Variants in KY observed in about 807,000 individuals in gnomAD.
The protein encoded by KY is kyphoscoliosis peptidase.
Under a neutral mutation model 76.1 loss-of-function variants are expected in KY, and 43 were observed. The observed-to-expected ratio is 0.57, with a 90% CI of 0.44 to 0.73. The LOEUF (loss-of-function observed/expected upper bound fraction) is 0.73. KY is among the 30% of genes least tolerant of loss of function. The probability of loss-of-function intolerance (pLI) is 0.00; values close to 1 mark genes in which losing one functional copy is unlikely to be tolerated. For missense variants in KY, 722 were observed against 828.9 expected, an observed-to-expected ratio of 0.87 and a Z score of 1.58; for synonymous variants, 277 against 326.2, an observed-to-expected ratio of 0.85 and a Z score of 1.63.
At chr3:134,632,251 A>G (rs1340198496) in intron 3 of KY, among the ~76,000 whole-genome samples, 1 of 152,104 alleles carries the variant, frequency 6.6e-6, no homozygotes, top group Non-Finnish European at 1.5e-5. Context: ...AATGAACTAC[A>G]CAATGAATAA....
At chr3:134,624,178 C>T (rs563797984) in intron 6 of KY, among the ~76,000 whole-genome samples, 15 of 152,166 alleles carry the variant, frequency 9.9e-5, no homozygotes, top group Non-Finnish European at 1.8e-4. Context: ...CCCTCTCCCC[C>T]ACCTCCCACC....
intron 10 of KY, chr3:134,607,447 G>A (rs1959393257): frequency 1.0e-6 from 1 of 985,672 alleles, no homozygotes; most frequent in Non-Finnish European, 1.2e-6. Context: ...CTAATAGTCA[G>A]TGTGAGCTCA....
chr3:134,626,273 G>C (rs1253191449), intron 5 of KY, among the ~76,000 whole-genome samples: 1 of 152,230 alleles, frequency 6.6e-6, no homozygotes, highest in East Asian at 1.9e-4. Flanking sequence ...AGAGACCCCA[G>C]GGTATGGTAG....
rs1963213041 is a variant in KY, at chr3:134,624,843, G to C, written c.483+210C>G. On this transcript the variant is annotated intron_variant, in intron 6 of 10. Transcript: ENST00000423778. ...GGGTGGGAGCAACAGGATCGTGGGT[G>C]GGCTGGGGGATGGAATGGCCTCTGG... 2.6e-5 allele frequency among the ~76,000 whole-genome samples: 4 copies of C among 152,300 alleles called. No homozygotes were observed. In the South Asian group the frequency reaches 8.3e-4, roughly 32 times the overall value.
intron 9 of KY, among the ~76,000 whole-genome samples, chr3:134,609,087 C>G (rs1022699702): frequency 6.6e-6 from 1 of 152,118 alleles, no homozygotes; most frequent in Non-Finnish European, 1.5e-5. Context: ...CCTAGGCTGT[C>G]GAGGGGAAAA....
rs556251138 is a variant in KY, at chr3:134,616,029, A to G, written c.710+3119T>C. On this transcript the variant is annotated intron_variant, in intron 8 of 10. Transcript: ENST00000423778. The stretch of plus-strand genomic sequence containing the variant: ...CCTGCTAGCTGGTGATGCTAAAGCC[A>G]TGCTAACGGGAAGAGAATTTACTGG... 2.6e-5 allele frequency among the ~76,000 whole-genome samples: 4 copies of G among 152,366 alleles called. No homozygotes were observed. The East Asian group carries it at 7.7e-4, about 29-fold the overall frequency.
At chr3:134,617,590 C>T (rs1284762866) in intron 8 of KY, among the ~76,000 whole-genome samples, 1 of 152,196 alleles carries the variant, frequency 6.6e-6, no homozygotes, top group Non-Finnish European at 1.5e-5. Flanking sequence ...TGGTGAGATT[C>T]AGAGTAATAA....
chr3:134,650,186 A>T (rs929500132), intron 1 of KY, among the ~76,000 whole-genome samples: 3 of 152,164 alleles, frequency 2.0e-5, no homozygotes, highest in African/African-American at 7.2e-5. Context: ...ACAACTTACA[A>T]ATTTACCCAG....
rs891128761 is a variant in KY at position 134,602,990 on chromosome 3, T to G, written c.*589A>C. 7 of 152,234 alleles carry G rather than the reference T, an allele frequency of 4.6e-5. No homozygotes were observed. Among genetic ancestry groups the G allele is most frequent in the African/African-American group, 1.7e-4 (7 of 41,446 alleles). 9.4% of individuals were successfully genotyped at this position (152,234 alleles called of 1,614,324 possible). A position where few individuals can be genotyped will look rare whatever the true frequency, so the allele number is the denominator to read the frequency against. Reference sequence around the variant, plus strand: ...TGGCTTCCTCACCACACCCTTTTTCTTGGGCTCTTGAAGAACAAGAAGTAG... The same window carrying G: ...TGGCTTCCTCACCACACCCTTTTTCGTGGGCTCTTGAAGAACAAGAAGTAG... On this transcript the variant is annotated 3_prime_UTR_variant, in exon 11 of 11. Transcript: ENST00000423778.
chr3:134,626,655 G>A (rs1963493669), intron 5 of KY, among the ~76,000 whole-genome samples: 1 of 152,216 alleles, frequency 6.6e-6, no homozygotes, highest in African/African-American at 2.4e-5. Flanking sequence ...GTGGGGAGGG[G>A]TGTGTGTCAC....
intron 2 of KY, 120 bp from the exon 3 acceptor site, chr3:134,643,498 C>T: frequency 1.4e-6 from 1 of 732,982 alleles, no homozygotes; most frequent in Non-Finnish European, 2.4e-6. Context: ...CATCCCCAGG[C>T]CTAAATGTGT....
intron 3 of KY, among the ~76,000 whole-genome samples, chr3:134,631,068 G>A (rs1350225071): frequency 6.6e-6 from 1 of 152,214 alleles, no homozygotes; most frequent in Non-Finnish European, 1.5e-5. Flanking sequence ...GAAAATGTAA[G>A]TAGTGCGTCA....
In KY at chr3:134,604,128, G is replaced by A; in HGVS notation, c.1437C>T (p.Arg479=). The change falls in exon 11 of 11, where the codon CGC becomes CGT. Residue 479 remains arginine (R), a synonymous_variant. Transcript: ENST00000423778. ...CCTCCACGCTGAAGCTGATGGAGCA[G>A]CGCCCGTCGCTGGTGTGGATGATAG... ...PDPIIHTSDG[R]CSISFSVEEG... is the part of the protein sequence containing the mutation. 1 of 1,608,564 alleles carries A rather than the reference G, an allele frequency of 6.2e-7. No homozygotes were observed. The highest frequency in any genetic ancestry group is 1.1e-5 in the South Asian group (1 of 90,322).
chr3:134,607,555 C>T (rs1959417461), intron 10 of KY: 1 of 985,470 alleles, frequency 1.0e-6, no homozygotes, highest in African/African-American at 1.7e-5. Context: ...ACCCGACTTA[C>T]AGGGCTGTGC....
At chr3:134,650,714 G>T in intron 1 of KY, 111 bp downstream of exon 1, 4 of 1,046,414 alleles carry the variant, frequency 3.8e-6, no homozygotes, top group Non-Finnish European at 5.3e-6. Context: ...AGAGGGTCGG[G>T]TTCGCTGACC....
intron 2 of KY, 38 bp downstream of exon 2, chr3:134,647,397 A>G (rs1259012445): frequency 1.4e-6 from 2 of 1,460,934 alleles, no homozygotes; most frequent in Non-Finnish European, 1.9e-6. Flanking sequence ...TATTCAATGT[A>G]TTAAATCCTA....
chr3:134,647,626 C>A, intron 1 of KY, 129 bp from the exon 2 acceptor site: 1 of 596,920 alleles, frequency 1.7e-6, no homozygotes, highest in Non-Finnish European at 3.0e-6. Context: ...AGAGGCTACC[C>A]ATGAATAAGA....
chr3:134,638,603 C>G (rs1232807753), intron 3 of KY, among the ~76,000 whole-genome samples: 1 of 152,236 alleles, frequency 6.6e-6, no homozygotes, highest in African/African-American at 2.4e-5. Flanking sequence ...ATCTTGAGAA[C>G]GGGCTCCCTG....
chr3:134,633,232 G>T (rs200506854), intron 3 of KY, among the ~76,000 whole-genome samples: 2 of 152,048 alleles, frequency 1.3e-5, no homozygotes, highest in Non-Finnish European at 2.9e-5. Flanking sequence ...CAGAAGAGAA[G>T]TGAATGCTTC....
Sources: gnomAD v4.1 joint callset for allele counts (sites outside exome capture counted in the v4.1 genomes callset) on GRCh38, gnomAD v4.1.1 for gene constraint, MANE v1.5 for transcripts, NCBI Gene and HGNC (gene_info 2026-07-23, HGNC 2026-07-21) for gene names.